The following UBE2W variants were observed in gnomAD, a reference collection of about 807,000 sequenced individuals.
The protein encoded by UBE2W is ubiquitin conjugating enzyme E2 W, also known as ubiquitin-conjugating enzyme E2 W.
A neutral mutation model predicts 27.2 loss-of-function variants in UBE2W; 18 were observed. That is an observed-to-expected ratio of 0.66 (90% CI 0.46 to 0.98). UBE2W has a LOEUF of 0.98. UBE2W is among the 50% of genes least tolerant of loss of function. The pLI is 0.00. For synonymous variants in UBE2W, 53 were observed against 57.2 expected (o/e 0.93, Z 0.33); for missense variants, 90 against 180.2 (o/e 0.50, Z 2.87).
At chr8:73,781,620 T>TG (rs34735440), downstream of UBE2W, among the ~76,000 whole-genome samples, 3 of 12,306 alleles carry the variant, frequency 2.4e-4, no homozygotes, top group Admixed American at 3.3e-3. Flanking sequence ...CAGGTTTGGG[T>TG]TTTTTTTTTT....
chr8:73,842,183 T>G lies in UBE2W; in HGVS notation c.16-11711A>C, dbSNP rs576486196. 6.6e-5 allele frequency among the ~76,000 whole-genome samples: 10 copies of G among 152,188 alleles called. 1 individual carries two copies. The South Asian group carries it at 1.9e-3, about 28-fold the overall frequency. On this transcript the variant is annotated intron_variant, in intron 1 of 5. Coordinates refer to ENST00000602593, the MANE Select transcript of UBE2W (RefSeq NM_018299.6). ...AAATCTAGAAATATATATCCATCAA[T>G]AGGTAAATTATACAAATTATAGCAT...
chr8:73,826,064 G>C (rs979331441), intron 2 of UBE2W, among the ~76,000 whole-genome samples: 1 of 151,864 alleles, frequency 6.6e-6, no homozygotes, highest in Non-Finnish European at 1.5e-5. Flanking sequence ...AGATTAACAG[G>C]GCAAGGGGAG....
intron 1 of UBE2W, among the ~76,000 whole-genome samples, chr8:73,832,136 A>AATATAT (rs111764105): frequency 0.014 from 1,979 of 145,396 alleles, 56 homozygotes; most frequent in African/African-American, 0.05. Context: ...AAAATAAATA[A>AATATAT]ATATATATAT....
In UBE2W at chr8:73,830,417, G is replaced by C; in HGVS notation, c.71C>G (p.Thr24Ser). Residue 24 changes from threonine (T) to serine (S), a missense_variant, in exon 2 of 6, where the codon ACC (threonine) becomes AGC (serine). Physicochemically the swap from Thr to Ser is moderately conservative, Grantham distance 58. Coordinates refer to ENST00000602593, the MANE Select transcript of UBE2W (RefSeq NM_018299.6). ...ATTTTGAACACTCTTCTCATTTAAG[G>C]TCATTCCAGGAGGTGGGTCATTTTG... ...ALQNDPPPGMTLNEKSVQNSI... is the reference protein window; with the variant it reads ...ALQNDPPPGMSLNEKSVQNSI... 1 of 1,613,744 alleles carries C rather than the reference G, an allele frequency of 6.2e-7. No individual in the cohort carries two copies. The highest frequency in any genetic ancestry group is 1.1e-5 in the South Asian group (1 of 91,076).
chr8:73,872,286 G>C (rs1314373155), intron 1 of UBE2W, among the ~76,000 whole-genome samples: 2 of 152,054 alleles, frequency 1.3e-5, no homozygotes, highest in Non-Finnish European at 2.9e-5. Context: ...ACTTCAAAAA[G>C]CATTCCTAAA....
intron 1 of UBE2W, among the ~76,000 whole-genome samples, chr8:73,855,348 AT>A: frequency 6.7e-6 from 1 of 150,330 alleles, no homozygotes; most frequent in South Asian, 2.1e-4. Context: ...TGATTATGAA[AT>A]TTGATGCAGT....
intron 1 of UBE2W, among the ~76,000 whole-genome samples, chr8:73,847,029 C>T (rs963082376): frequency 2.0e-5 from 3 of 152,008 alleles, no homozygotes; most frequent in Non-Finnish European, 2.9e-5. Context: ...ATTAGCTGGG[C>T]GTGGTGGCAC....
rs1483321277 is a variant in UBE2W, at chr8:73,847,619, C to T, written c.16-17147G>A. On this transcript the variant is annotated intron_variant, in intron 1 of 5. Transcript: ENST00000602593. ...CATCAACGGTAAAACGGGTATATTG[C>T]GGCCGGGTGCTGTGGCTCACACCTG... Among the ~76,000 whole-genome samples the T allele has an allele frequency of 7.1e-5, 9 of 126,400 alleles. No homozygotes were observed. In the Admixed American group the frequency reaches 8.3e-4, roughly 12 times the overall value. The allele number at this position is 126,400 out of a possible 152,430, so 82.9% of individuals were successfully genotyped here.
intron 1 of UBE2W, among the ~76,000 whole-genome samples, chr8:73,859,418 A>C (rs987043107): frequency 6.6e-6 from 1 of 152,214 alleles, no homozygotes; most frequent in African/African-American, 2.4e-5. Context: ...AAGCAGGAGA[A>C]TCACTTGAAC....
intron 3 of UBE2W, among the ~76,000 whole-genome samples, chr8:73,820,608 G>A (rs1002034761): frequency 2.0e-5 from 3 of 152,110 alleles, no homozygotes; most frequent in African/African-American, 7.2e-5. Context: ...AGGCATGGTG[G>A]TGCATACCTG....
chr8:73,863,718 A>G (rs952204103), intron 1 of UBE2W, among the ~76,000 whole-genome samples: 6 of 152,036 alleles, frequency 3.9e-5, no homozygotes, highest in African/African-American at 1.4e-4. Context: ...AGATCATGCC[A>G]GGGCACTCCA....
chr8:73,866,954 G>A (rs969380169), intron 1 of UBE2W, among the ~76,000 whole-genome samples: 3 of 149,870 alleles, frequency 2.0e-5, no homozygotes, highest in African/African-American at 4.9e-5. Context: ...GCAGTGAGCC[G>A]AGATCACGCC....
chr8:73,794,408 T>C (rs760987848), intron 5 of UBE2W, among the ~76,000 whole-genome samples: 4 of 152,202 alleles, frequency 2.6e-5, no homozygotes, highest in Non-Finnish European at 4.4e-5. Flanking sequence ...TCAGGATGTA[T>C]CAATCTTAAG....
intron 3 of UBE2W, among the ~76,000 whole-genome samples, chr8:73,817,029 G>A (rs1459326137): frequency 2.7e-5 from 4 of 150,574 alleles, no homozygotes; most frequent in Admixed American, 1.3e-4. Context: ...GTGAGACTCT[G>A]TCTCAATAAA....
At chr8:73,865,771 A>G (rs1208097475) in intron 1 of UBE2W, among the ~76,000 whole-genome samples, 1 of 152,182 alleles carries the variant, frequency 6.6e-6, no homozygotes, top group Non-Finnish European at 1.5e-5. Context: ...CCTTTCATGT[A>G]GTACAAAAGA....
At chr8:73,833,401 TTAAAG>T (rs1287465219) in intron 1 of UBE2W, among the ~76,000 whole-genome samples, 1 of 151,852 alleles carries the variant, frequency 6.6e-6, no homozygotes, top group African/African-American at 2.4e-5. Flanking sequence ...TTAAAAAATT[TTAAAG>T]TAATTTTAAT....
chr8:73,804,049 A>G (rs1808762619), intron 5 of UBE2W, among the ~76,000 whole-genome samples: 1 of 149,922 alleles, frequency 6.7e-6, no homozygotes. Flanking sequence ...TACAGGCATG[A>G]GCCACCACGC....
chr8:73,860,467 A>G (rs1224930412), intron 1 of UBE2W, among the ~76,000 whole-genome samples: 1 of 152,156 alleles, frequency 6.6e-6, no homozygotes, highest in African/African-American at 2.4e-5. Flanking sequence ...AAAACATCTG[A>G]GTGATGATGC....
At chr8:73,826,780 T>C (rs544893005) in intron 2 of UBE2W, among the ~76,000 whole-genome samples, 1 of 152,298 alleles carries the variant, frequency 6.6e-6, no homozygotes, top group East Asian at 1.9e-4. Flanking sequence ...TTTAACTACC[T>C]CAATAATAAA....
Sources: gnomAD v4.1 joint callset for allele counts (sites outside exome capture counted in the v4.1 genomes callset) on GRCh38, gnomAD v4.1.1 for gene constraint, MANE v1.5 for transcripts, NCBI Gene and HGNC (gene_info 2026-07-23, HGNC 2026-07-21) for gene names.